The following HCN1 variants were observed in gnomAD, a reference collection of about 807,000 sequenced individuals.
HCN1 encodes the protein potassium/sodium hyperpolarization-activated cyclic nucleotide-gated channel 1.
A neutral mutation model predicts 78.9 loss-of-function variants in HCN1; 13 were observed. That is an observed-to-expected ratio of 0.16 (90% CI 0.11 to 0.26). The LOEUF is 0.26. Among genes scored for constraint, HCN1 ranks in the 10% least tolerant of loss-of-function variants. The pLI is 1.00. For missense variants in HCN1, 810 were observed against 1,154.3 expected (o/e 0.70, Z 4.32); for synonymous variants, 552 against 455.5 (o/e 1.21, Z -2.70).
chr5:45,352,353 C>T (rs1251753485), intron 5 of HCN1, among the ~76,000 whole-genome samples: 3 of 150,438 alleles, frequency 2.0e-5, no homozygotes, highest in African/African-American at 4.9e-5. Context: ...GGAAGGGGAA[C>T]ATCACACTCT....
At chr5:45,564,225 G>A (rs1347767997) in intron 2 of HCN1, among the ~76,000 whole-genome samples, 1 of 151,138 alleles carries the variant, frequency 6.6e-6, no homozygotes, top group African/African-American at 2.4e-5. Flanking sequence ...TAAAAATAAT[G>A]TGAACAAGGA....
chr5:45,673,320 T>G (rs1032525430), intron 1 of HCN1, among the ~76,000 whole-genome samples: 6 of 151,534 alleles, frequency 4.0e-5, no homozygotes, highest in African/African-American at 1.5e-4. Context: ...ACTGTAATGT[T>G]AGTCCAGTTT....
chr5:45,348,790 T>C (rs1457263100), intron 5 of HCN1, among the ~76,000 whole-genome samples: 2 of 152,082 alleles, frequency 1.3e-5, no homozygotes, highest in African/African-American at 2.4e-5. Context: ...CATTACATAA[T>C]GGTAAAGGGA....
intron 4 of HCN1, among the ~76,000 whole-genome samples, chr5:45,390,508 A>G (rs2112034409): frequency 1.3e-5 from 2 of 152,294 alleles, no homozygotes; most frequent in East Asian, 3.9e-4. Context: ...AAAATAATAA[A>G]TGTAAACAGC....
intron 3 of HCN1, among the ~76,000 whole-genome samples, chr5:45,435,068 T>TAGA (rs1305600629): frequency 6.6e-6 from 1 of 152,120 alleles, no homozygotes; most frequent in Non-Finnish European, 1.5e-5. Flanking sequence ...AGAATACTGT[T>TAGA]ATTTATATTT....
intron 4 of HCN1, among the ~76,000 whole-genome samples, chr5:45,372,195 A>G (rs1395569511): frequency 2.3e-5 from 1 of 42,582 alleles, no homozygotes; most frequent in Non-Finnish European, 3.1e-5. Flanking sequence ...AATACAATTA[A>G]TATAATACAT....
chr5:45,538,860 G>A (rs763114603), intron 2 of HCN1, among the ~76,000 whole-genome samples: 1 of 152,082 alleles, frequency 6.6e-6, no homozygotes, highest in African/African-American at 2.4e-5. Context: ...GTATTCCCTG[G>A]TCCTGGAGTG....
chr5:45,512,433 C>G (rs2111759445), intron 2 of HCN1, among the ~76,000 whole-genome samples: 1 of 152,176 alleles, frequency 6.6e-6, no homozygotes, highest in East Asian at 1.9e-4. Flanking sequence ...TATTAGAAAG[C>G]TGGCCCCATA....
At chr5:45,585,751 C>A (rs750112770) in intron 2 of HCN1, among the ~76,000 whole-genome samples, 1 of 152,150 alleles carries the variant, frequency 6.6e-6, no homozygotes, top group Non-Finnish European at 1.5e-5. Flanking sequence ...ACAGTCGGGA[C>A]CCTCAGCTGC....
At chr5:45,529,854 T>A (rs866847476) in intron 2 of HCN1, among the ~76,000 whole-genome samples, 5 of 152,122 alleles carry the variant, frequency 3.3e-5, no homozygotes, top group South Asian at 2.1e-4. Flanking sequence ...ACTGGGTTTA[T>A]CTTTAATATT....
chr5:45,348,964 C>A (rs551955564), intron 5 of HCN1, among the ~76,000 whole-genome samples: 1 of 152,102 alleles, frequency 6.6e-6, no homozygotes, highest in Non-Finnish European at 1.5e-5. Context: ...GACAGATTAA[C>A]GAGACAGAAA....
At chr5:45,574,437 A>T (rs1350274282) in intron 2 of HCN1, among the ~76,000 whole-genome samples, 1 of 152,080 alleles carries the variant, frequency 6.6e-6, no homozygotes, top group Non-Finnish European at 1.5e-5. Flanking sequence ...GACAAACTTC[A>T]TCAATAAGTG....
In HCN1 at chr5:45,464,691, G is replaced by A. The variant is rs59917895; in HGVS notation, c.850-2684C>T. The stretch of plus-strand genomic sequence containing the variant: ...ATATAATATTACTTGTGATGAATAC[G>A]TGAATGTGTGCATTATCTCGGCCCG... On this transcript the variant is annotated intron_variant, in intron 2 of 7. Transcript: ENST00000303230. 8.6e-3 allele frequency among the ~76,000 whole-genome samples: 1,309 copies of A among 152,106 alleles called. 25 individuals are homozygous for A. Among genetic ancestry groups the A allele is most frequent in the African/African-American group, 0.031 (1,282 of 41,494 alleles).
intron 2 of HCN1, among the ~76,000 whole-genome samples, chr5:45,523,201 T>C (rs113789485): frequency 1.4e-4 from 22 of 152,344 alleles, no homozygotes; most frequent in African/African-American, 4.3e-4. Flanking sequence ...TCATTTCTTA[T>C]GGCTGCGTAG....
At chr5:45,482,032 T>C (rs1181230591) in intron 2 of HCN1, among the ~76,000 whole-genome samples, 1 of 152,230 alleles carries the variant, frequency 6.6e-6, no homozygotes, top group East Asian at 1.9e-4. Flanking sequence ...TAAATGATCT[T>C]GGTGAGGCTT....
At chr5:45,444,212 G>A (rs949868610) in intron 3 of HCN1, among the ~76,000 whole-genome samples, 16 of 152,086 alleles carry the variant, frequency 1.1e-4, no homozygotes, top group Admixed American at 3.9e-4. Context: ...AGTGAGTTCA[G>A]TAAGAGGCTA....
intron 2 of HCN1, among the ~76,000 whole-genome samples, chr5:45,511,989 G>C (rs1256533196): frequency 2.0e-5 from 3 of 151,964 alleles, no homozygotes; most frequent in African/African-American, 2.4e-5. Context: ...AATGTAATAA[G>C]TTCTACAAAA....
In HCN1 at chr5:45,326,876, T is replaced by C. The variant is rs561738528; in HGVS notation, c.1378-23037A>G. On this transcript the variant is annotated intron_variant, in intron 5 of 7. Transcript: ENST00000303230. ...CCCACTGCTTTGCCTTACTAGAACA[T>C]AGGGACATACTGTTCTGTTAAGGTA... Among the ~76,000 whole-genome samples, 11 of 151,752 alleles carry C rather than the reference T, an allele frequency of 7.2e-5. No individual in the cohort carries two copies. The South Asian group carries it at 1.7e-3, about 23-fold the overall frequency.
intron 2 of HCN1, among the ~76,000 whole-genome samples, chr5:45,623,087 A>C (rs920533255): frequency 6.6e-5 from 10 of 152,164 alleles, no homozygotes; most frequent in Non-Finnish European, 1.3e-4. Context: ...TATTCTTCAG[A>C]CTGTGTCAGT....
Sources: allele counts gnomAD v4.1 joint callset (sites outside exome capture counted in the v4.1 genomes callset), GRCh38; gene constraint gnomAD v4.1.1; transcripts MANE v1.5; gene names NCBI Gene and HGNC (gene_info 2026-07-23, HGNC 2026-07-21).